The following PRKD2 variants were observed in gnomAD, a reference collection of about 807,000 sequenced individuals.
PRKD2 encodes the protein serine/threonine-protein kinase D2.
A neutral mutation model predicts 86.0 loss-of-function variants in PRKD2; 22 were observed. The observed-to-expected ratio is 0.26, with a 90% CI of 0.18 to 0.37. The LOEUF is 0.37. Among genes scored for constraint, PRKD2 ranks in the 10% least tolerant of loss-of-function variants. PRKD2 has a pLI of 1.00. For synonymous variants in PRKD2, 509 were observed against 510.9 expected (o/e 1.00, Z 0.05); for missense variants, 818 against 1,199.2 (o/e 0.68, Z 4.70).
At chr19:46,697,088 A>T (rs1253752638) in intron 9 of PRKD2, 69 bp downstream of exon 9, 1 of 1,212,308 alleles carries the variant, frequency 8.2e-7, no homozygotes, top group Admixed American at 1.7e-5. Context: ...AACTGGGGGT[A>T]GGAGGAGGTG....
rs575694523 is a variant in PRKD2 at position 46,677,750 on chromosome 19, TCTC to T, written c.2338+643_2338+645del. ...ATGTCTGCCTCAGTCCTGGCTCCCT[TCTC>T]CTCCCCACTCCCATCCACTCCCAGC... is the stretch of plus-strand genomic sequence containing the variant. On this transcript the variant is annotated intron_variant, in intron 16 of 17. Coordinates refer to ENST00000291281, the MANE Select transcript of PRKD2 (RefSeq NM_016457.5). Among the ~76,000 whole-genome samples, 603 of 151,876 alleles carry T rather than the reference TCTC, an allele frequency of 4.0e-3. 22 individuals carry two copies. The highest frequency in any genetic ancestry group is 0.038 in the Admixed American group (584 of 15,236).
At chr19:46,682,285 C>T (rs899409808) in intron 14 of PRKD2, among the ~76,000 whole-genome samples, 1 of 152,114 alleles carries the variant, frequency 6.6e-6, no homozygotes, top group African/African-American at 2.4e-5. Context: ...GGATTACAGG[C>T]GTGAGCCACC....
chr19:46,698,865 G>A (rs1444602783), intron 7 of PRKD2, among the ~76,000 whole-genome samples: 1 of 152,126 alleles, frequency 6.6e-6, no homozygotes, highest in Non-Finnish European at 1.5e-5. Flanking sequence ...CTGAGACTCA[G>A]TTTCCCCATC....
chr19:46,682,716 T>C (rs2122591011), intron 14 of PRKD2, among the ~76,000 whole-genome samples: 1 of 149,552 alleles, frequency 6.7e-6, no homozygotes, highest in Non-Finnish European at 1.5e-5. Flanking sequence ...TTTTTTTTTT[T>C]TTTTTTTGAG....
chr19:46,702,038 G>GTTTTT (rs869093299), intron 5 of PRKD2, among the ~76,000 whole-genome samples: 1 of 131,670 alleles, frequency 7.6e-6, no homozygotes, highest in Non-Finnish European at 1.6e-5. Context: ...TCTGTTTTTT[G>GTTTTT]TTTTTTTTTT....
intron 10 of PRKD2, 134 bp from the exon 11 acceptor site, chr19:46,692,119 G>T: frequency 1.2e-6 from 1 of 843,386 alleles, no homozygotes; most frequent in Non-Finnish European, 2.0e-6. Flanking sequence ...GCAACTTCAG[G>T]CTGGTGACTT....
chr19:46,704,721 C>T (rs2053688648), intron 3 of PRKD2, 72 bp from the exon 4 acceptor site: 1 of 1,517,290 alleles, frequency 6.6e-7, no homozygotes, highest in East Asian at 2.3e-5. Flanking sequence ...AAGTTGTGCC[C>T]TTTCCACCCA....
At chr19:46,707,766 C>T (rs1291253196) in intron 3 of PRKD2, among the ~76,000 whole-genome samples, 1 of 152,130 alleles carries the variant, frequency 6.6e-6, no homozygotes, top group African/African-American at 2.4e-5. Flanking sequence ...TAGATCTTGA[C>T]ACTTGGGCTG....
In PRKD2 at chr19:46,680,946, ATT is replaced by A. The variant is rs1222612655; in HGVS notation, c.2070+702_2070+703del. On this transcript the variant is annotated intron_variant, in intron 15 of 17. Coordinates refer to ENST00000291281, the MANE Select transcript of PRKD2 (RefSeq NM_016457.5). ...AAACTATATATATATATATATATATATTTTTTTTTTTTTTTTTGAGACAGAGT... is the reference window on the plus strand; with the variant it reads ...AAACTATATATATATATATATATATATTTTTTTTTTTTTTTGAGACAGAGT... Among the ~76,000 whole-genome samples, 113 of 48,188 alleles carry A rather than the reference ATT, an allele frequency of 2.3e-3. 2 individuals are homozygous for A. Among genetic ancestry groups the A allele is most frequent in the African/African-American group, 5.2e-3 (73 of 14,174 alleles). 31.6% of individuals were successfully genotyped at this position (48,188 alleles called of 152,430 possible). A position where few individuals can be genotyped will look rare whatever the true frequency, so the allele number is the denominator to read the frequency against.
intron 7 of PRKD2, among the ~76,000 whole-genome samples, chr19:46,699,891 T>C (rs1433846525): frequency 7.3e-6 from 1 of 137,248 alleles, no homozygotes; most frequent in African/African-American, 2.8e-5. Context: ...AAGACCACCC[T>C]GGGCAACATA....
intron 7 of PRKD2, 48 bp from the exon 8 acceptor site, chr19:46,697,898 A>G (rs1161116273): frequency 6.9e-7 from 1 of 1,457,244 alleles, no homozygotes. Flanking sequence ...GAAAGTGACC[A>G]TGCTGCTTGG....
chr19:46,716,419 G>A lies in PRKD2; in HGVS notation c.-49C>T. ...CCTGGAGCCCACCCGGGACCCGGCCGGGGGGCCCCGGGGGACCCTGGGTTC... is the reference window on the plus strand; with the variant it reads ...CCTGGAGCCCACCCGGGACCCGGCCAGGGGGCCCCGGGGGACCCTGGGTTC... On this transcript the variant is annotated 5_prime_UTR_variant, in exon 1 of 18. Coordinates refer to ENST00000291281, the MANE Select transcript of PRKD2 (RefSeq NM_016457.5). The surrounding 1 kb of genome is among the most constrained non-coding windows in gnomAD (Gnocchi z 7.9). 8 of 1,162,690 alleles carry A rather than the reference G, an allele frequency of 6.9e-6. No individual in the cohort carries two copies. The highest frequency in any genetic ancestry group is 9.2e-6 in the Non-Finnish European group (8 of 869,878). 72.0% of individuals were successfully genotyped at this position (1,162,690 alleles called of 1,614,324 possible). A position where few individuals can be genotyped will look rare whatever the true frequency, so the allele number is the denominator to read the frequency against.
Position 46,713,884 on chromosome 19 carries a change from G to C in PRKD2, c.358C>G (p.Leu120Val), listed in dbSNP as rs748139278. 2 of 1,463,956 alleles carry C rather than the reference G, an allele frequency of 1.4e-6. No homozygotes were observed. The highest frequency in any genetic ancestry group is 1.1e-5 in the South Asian group (1 of 87,634). 90.7% of individuals were successfully genotyped at this position (1,463,956 alleles called of 1,614,324 possible). A position where few individuals can be genotyped will look rare whatever the true frequency, so the allele number is the denominator to read the frequency against. The change falls in exon 2 of 18, where the codon CTG becomes GTG. Residue 120 changes from leucine (L) to valine (V), a missense_variant. Physicochemically the swap from Leu to Val is conservative, Grantham distance 32 (BLOSUM62 1). This residue lies in a region of PRKD2 where 403 missense variants were observed against 518.6 expected (regional missense o/e 0.78). Coordinates refer to ENST00000291281, the MANE Select transcript of PRKD2 (RefSeq NM_016457.5). ...TCACCCGACAGCACCACCTCCACCA[G>C]GTCGCCCTCCTGGATGTCTCCGGAC... is the stretch of plus-strand genomic sequence containing the variant. ...RSSGDIQEGD[L>V]VEVVLSASAT...
intron 13 of PRKD2, 142 bp downstream of exon 13, chr19:46,690,458 T>G (rs1599821512): frequency 5.8e-6 from 4 of 691,998 alleles, no homozygotes. Context: ...TACAGGCTGG[T>G]CCCTCTGCTA....
chr19:46,686,784 T>C (rs1285832865), intron 14 of PRKD2, among the ~76,000 whole-genome samples: 1 of 151,662 alleles, frequency 6.6e-6, no homozygotes, highest in Admixed American at 6.6e-5. Context: ...ACCCTGTCTC[T>C]ACTGAAAATA....
chr19:46,705,838 G>A (rs1599837956), intron 3 of PRKD2, among the ~76,000 whole-genome samples: 1 of 151,646 alleles, frequency 6.6e-6, no homozygotes, highest in South Asian at 2.1e-4. Flanking sequence ...TACCATACTA[G>A]GCAGAAGTAT....
chr19:46,708,499 T>C (rs1406416335), intron 3 of PRKD2, among the ~76,000 whole-genome samples: 1 of 151,318 alleles, frequency 6.6e-6, no homozygotes. Flanking sequence ...TTGTATTTTT[T>C]AGAGACGGGG....
Position 46,713,887 on chromosome 19 carries a change from C to T in PRKD2, c.355G>A (p.Asp119Asn). Residue 119 changes from aspartate (D) to asparagine (N), a missense_variant, in exon 2 of 18, where the codon GAC becomes AAC. Physicochemically the swap from Asp to Asn is conservative, Grantham distance 23. This residue lies in a region of PRKD2 where 403 missense variants were observed against 518.6 expected (regional missense o/e 0.78). Transcript: ENST00000291281. Reference protein sequence around the residue: ...VRSSGDIQEGDLVEVVLSASA... With the variant: ...VRSSGDIQEGNLVEVVLSASA... ...CCCGACAGCACCACCTCCACCAGGTCGCCCTCCTGGATGTCTCCGGACGAG... is the reference window on the plus strand; with the variant it reads ...CCCGACAGCACCACCTCCACCAGGTTGCCCTCCTGGATGTCTCCGGACGAG... The T allele has an allele frequency of 6.2e-7, 1 of 1,609,836 alleles. No homozygotes were observed. Among genetic ancestry groups the T allele is most frequent in the Non-Finnish European group, 8.5e-7 (1 of 1,178,098 alleles).
At chr19:46,714,149 C>T in intron 1 of PRKD2, 148 bp from the exon 2 acceptor site, 6 of 1,364,112 alleles carry the variant, frequency 4.4e-6, no homozygotes, top group Non-Finnish European at 5.7e-6. Flanking sequence ...TGCCCCCTCC[C>T]AACCCCAGCG....
Sources: allele counts gnomAD v4.1 joint callset (sites outside exome capture counted in the v4.1 genomes callset), GRCh38; gene constraint gnomAD v4.1.1; regional missense constraint gnomAD v4.1.1; non-coding constraint Gnocchi (gnomAD v3.1); transcripts MANE v1.5; gene names NCBI Gene and HGNC (gene_info 2026-07-23, HGNC 2026-07-21).